The following CAB39L variants were observed in gnomAD, a reference collection of about 807,000 sequenced individuals.
The protein encoded by CAB39L is calcium-binding protein 39-like.
Under a neutral mutation model 39.1 loss-of-function variants are expected in CAB39L, and 23 were observed. That is an observed-to-expected ratio of 0.59 (90% CI 0.42 to 0.83). The LOEUF (loss-of-function observed/expected upper bound fraction) is 0.83, where lower values mean the gene tolerates loss of function less well. CAB39L is among the 40% of genes least tolerant of loss of function. The pLI, the probability that CAB39L is intolerant of heterozygous loss-of-function variation, is 0.00. For missense variants in CAB39L, 366 were observed against 391.9 expected (o/e 0.93, Z 0.56); for synonymous variants, 126 against 137.2 (o/e 0.92, Z 0.57).
chr13:49,410,718 C>T (rs1272454313), intron 3 of CAB39L, among the ~76,000 whole-genome samples: 1 of 152,214 alleles, frequency 6.6e-6, no homozygotes, highest in African/African-American at 2.4e-5. Flanking sequence ...AAGTACTTCA[C>T]ATGACAATTT....
chr13:49,326,432 C>A (rs1395933971), intron 10 of CAB39L, among the ~76,000 whole-genome samples: 2 of 152,200 alleles, frequency 1.3e-5, no homozygotes, highest in African/African-American at 2.4e-5. Context: ...ACCACACTAT[C>A]CTGCTCACCA....
At chr13:49,349,420 T>C (rs1955274489) in intron 7 of CAB39L, among the ~76,000 whole-genome samples, 1 of 150,484 alleles carries the variant, frequency 6.6e-6, no homozygotes, top group Non-Finnish European at 1.5e-5. Context: ...AACAATTAAA[T>C]TGCTAAAATG....
intron 3 of CAB39L, among the ~76,000 whole-genome samples, chr13:49,403,224 T>C (rs547517389): frequency 6.6e-6 from 1 of 152,264 alleles, no homozygotes; most frequent in African/African-American, 2.4e-5. Flanking sequence ...TACAGGAAAC[T>C]GGGTTGAGTA....
intron 4 of CAB39L, among the ~76,000 whole-genome samples, chr13:49,381,511 C>T (rs531277575): frequency 6.6e-6 from 1 of 152,292 alleles, no homozygotes; most frequent in East Asian, 1.9e-4. Flanking sequence ...TTGTGACAAA[C>T]ATGTCTTTAC....
intron 3 of CAB39L, among the ~76,000 whole-genome samples, chr13:49,432,120 AT>A (rs1957336142): frequency 6.6e-6 from 1 of 152,002 alleles, no homozygotes; most frequent in Admixed American, 6.6e-5. Context: ...TATAATCCCT[AT>A]TTTATTTATT....
intron 3 of CAB39L, among the ~76,000 whole-genome samples, chr13:49,427,516 A>G (rs1957261973): frequency 6.6e-6 from 1 of 152,074 alleles, no homozygotes; most frequent in Admixed American, 6.6e-5. Flanking sequence ...CAGTAAGACC[A>G]TATCTCTACA....
chr13:49,429,130 T>C lies in CAB39L; in HGVS notation c.-32+4188A>G, dbSNP rs77963061. 7.4e-3 allele frequency among the ~76,000 whole-genome samples: 1,120 copies of C among 152,300 alleles called. 13 individuals carry two copies. Among genetic ancestry groups the C allele is most frequent in the African/African-American group, 0.025 (1,047 of 41,558 alleles). On this transcript the variant is annotated intron_variant, in intron 3 of 10. Coordinates refer to ENST00000409308, the MANE Select transcript of CAB39L (RefSeq NM_001079670.3). ...AAATATTATTATGTTAGCCCCACTT[T>C]ACAGATAAGAAACATGAATCAATGG...
intron 5 of CAB39L, among the ~76,000 whole-genome samples, chr13:49,367,328 T>G (rs1445472482): frequency 6.6e-6 from 1 of 152,164 alleles, no homozygotes; most frequent in African/African-American, 2.4e-5. Context: ...TATTATTACA[T>G]GCCTATCAGA....
At chr13:49,423,704 C>T (rs1042886340) in intron 3 of CAB39L, among the ~76,000 whole-genome samples, 3 of 152,092 alleles carry the variant, frequency 2.0e-5, no homozygotes, top group Admixed American at 2.0e-4. Context: ...ACACGACAAC[C>T]TTATTAATGC....
At chr13:49,408,343 A>G (rs1956924562) in intron 3 of CAB39L, among the ~76,000 whole-genome samples, 1 of 152,256 alleles carries the variant, frequency 6.6e-6, no homozygotes, top group African/African-American at 2.4e-5. Flanking sequence ...TAGTTGATAT[A>G]TAACAAGTCC....
At chr13:49,328,344 TAAG>T (rs1954564463) in intron 10 of CAB39L, among the ~76,000 whole-genome samples, 1 of 152,208 alleles carries the variant, frequency 6.6e-6, no homozygotes, top group African/African-American at 2.4e-5. Flanking sequence ...CAATTACAAG[TAAG>T]AAGAACACCT....
chr13:49,361,109 T>C (rs769090281), intron 5 of CAB39L, among the ~76,000 whole-genome samples: 45 of 152,092 alleles, frequency 3.0e-4, no homozygotes, highest in Non-Finnish European at 4.9e-4. Context: ...CAGAGTGAGC[T>C]AGCTAGAAAT....
intron 5 of CAB39L, among the ~76,000 whole-genome samples, chr13:49,373,570 T>C (rs1028402518): frequency 2.6e-5 from 4 of 152,342 alleles, no homozygotes; most frequent in East Asian, 1.9e-4. Context: ...CCCAAAGAGT[T>C]TGAATTATCT....
intron 1 of CAB39L, among the ~76,000 whole-genome samples, chr13:49,440,360 T>C (rs1373787507): frequency 6.6e-6 from 1 of 152,128 alleles, no homozygotes; most frequent in African/African-American, 2.4e-5. Flanking sequence ...GAATAGGAAG[T>C]TCTTTCTCCA....
At chr13:49,347,655 T>C (rs1026779269) in intron 7 of CAB39L, among the ~76,000 whole-genome samples, 1 of 152,192 alleles carries the variant, frequency 6.6e-6, no homozygotes, top group Non-Finnish European at 1.5e-5. Context: ...ATTCTTCATG[T>C]TGGATGCAAC....
chr13:49,432,882 T>C (rs1222127370), intron 3 of CAB39L, among the ~76,000 whole-genome samples: 1 of 152,236 alleles, frequency 6.6e-6, no homozygotes, highest in East Asian at 1.9e-4. Context: ...TTCTTACCTT[T>C]ATATGGGACC....
intron 3 of CAB39L, among the ~76,000 whole-genome samples, chr13:49,391,316 AG>A (rs1452262828): frequency 6.6e-6 from 1 of 152,204 alleles, no homozygotes; most frequent in Non-Finnish European, 1.5e-5. Flanking sequence ...GTGAAGGAGT[AG>A]GGGGAAGAGA....
intron 3 of CAB39L, among the ~76,000 whole-genome samples, chr13:49,406,340 T>A (rs1956878113): frequency 6.8e-6 from 1 of 147,790 alleles, no homozygotes; most frequent in African/African-American, 2.5e-5. Flanking sequence ...GCTATTTTTT[T>A]TTTTTTTTTT....
In CAB39L at chr13:49,422,003, C is replaced by T. The variant is rs74357569; in HGVS notation, c.-32+11315G>A. On this transcript the variant is annotated intron_variant, in intron 3 of 10. Transcript: ENST00000409308. ...AGATATACCATTTGTTTGATGGGGGCGGGGAGAGAGGGATAACTTATACCA... is the reference window on the plus strand; with the variant it reads ...AGATATACCATTTGTTTGATGGGGGTGGGGAGAGAGGGATAACTTATACCA... Among the ~76,000 whole-genome samples the T allele has an allele frequency of 6.3e-3, 952 of 151,888 alleles. 14 individuals are homozygous for T. Among genetic ancestry groups the T allele is most frequent in the African/African-American group, 0.022 (904 of 41,382 alleles).
Sources: gnomAD v4.1 joint callset for allele counts (sites outside exome capture counted in the v4.1 genomes callset) on GRCh38, gnomAD v4.1.1 for gene constraint, MANE v1.5 for transcripts, NCBI Gene and HGNC (gene_info 2026-07-23, HGNC 2026-07-21) for gene names.